EFCAB5: variants seen among roughly 807,000 people sequenced by gnomAD.
EFCAB5 encodes EF-hand calcium binding domain 5, also known as EF-hand calcium-binding domain-containing protein 5.
EFCAB5 carries 131 observed loss-of-function variants against 167.9 expected under a neutral mutation model. The ratio of observed to expected loss-of-function variants is 0.78; its 90% CI spans 0.68 to 0.90. The LOEUF is 0.90. Ranked by LOEUF, EFCAB5 falls within the 40% of genes least tolerant of loss-of-function variation. The probability of loss-of-function intolerance (pLI) is 0.00; values close to 1 mark genes in which losing one functional copy is unlikely to be tolerated. For missense variants in EFCAB5, 1,663 were observed against 1,745.2 expected (o/e 0.95, Z 0.84); for synonymous variants, 574 against 602.8 (o/e 0.95, Z 0.70).
intron 22 of EFCAB5, among the ~76,000 whole-genome samples, chr17:30,097,053 T>TACATATAC (rs201621184): frequency 0.021 from 1,960 of 91,212 alleles, 26 homozygotes; most frequent in Middle Eastern, 0.042. Flanking sequence ...CATATACATA[T>TACATATAC]ATATATATTT....
chr17:29,995,732 A>G (rs1172522880), intron 5 of EFCAB5, among the ~76,000 whole-genome samples: 1 of 152,210 alleles, frequency 6.6e-6, no homozygotes, highest in African/African-American at 2.4e-5. Flanking sequence ...GTCCTGTTCA[A>G]TAAGGGCATG....
At chr17:29,973,886 G>T (rs1480641023) in intron 4 of EFCAB5, among the ~76,000 whole-genome samples, 4 of 151,718 alleles carry the variant, frequency 2.6e-5, no homozygotes, top group African/African-American at 4.8e-5. Flanking sequence ...GGCCCAGCGC[G>T]GTGGCTCAAG....
At chr17:30,091,731 T>C in intron 20 of EFCAB5, 140 bp from the exon 21 acceptor site, 1 of 890,386 alleles carries the variant, frequency 1.1e-6, no homozygotes, top group Non-Finnish European at 1.6e-6. Context: ...AAACTGAGAT[T>C]GTTTAAAACC....
At chr17:30,030,628 C>T (rs1409241279) in intron 7 of EFCAB5, among the ~76,000 whole-genome samples, 1 of 152,026 alleles carries the variant, frequency 6.6e-6, no homozygotes, top group Non-Finnish European at 1.5e-5. Flanking sequence ...AGGCGTAAGC[C>T]ACTGCGCCCA....
intron 14 of EFCAB5, chr17:30,069,428 G>A: frequency 4.5e-6 from 7 of 1,540,500 alleles, no homozygotes; most frequent in Non-Finnish European, 6.3e-6. Context: ...CAGACTTCAA[G>A]AGATATTCAC....
At chr17:30,080,646 C>A in intron 16 of EFCAB5, 107 bp from the exon 17 acceptor site, 1 of 830,684 alleles carries the variant, frequency 1.2e-6, no homozygotes, top group South Asian at 1.8e-5. Flanking sequence ...ACTGCTCGGT[C>A]ATATAATGCC....
At chr17:29,998,578 G>C (rs2068595098) in intron 6 of EFCAB5, among the ~76,000 whole-genome samples, 4 of 152,170 alleles carry the variant, frequency 2.6e-5, no homozygotes. Flanking sequence ...GAAACGTCTG[G>C]TTTGCATAAT....
chr17:30,096,522 C>T (rs1026760707), intron 22 of EFCAB5, among the ~76,000 whole-genome samples: 2 of 151,636 alleles, frequency 1.3e-5, no homozygotes, highest in African/African-American at 4.8e-5. Flanking sequence ...CACTGCACTC[C>T]AGCCTGGGCA....
At chr17:30,106,494 C>T (rs990041474) in intron 22 of EFCAB5, among the ~76,000 whole-genome samples, 1 of 151,886 alleles carries the variant, frequency 6.6e-6, no homozygotes, top group Admixed American at 6.6e-5. Context: ...TCTCACTCTG[C>T]CACCCAGGCT....
intron 8 of EFCAB5, 35 bp downstream of exon 8, chr17:30,034,420 C>T (rs762129187): frequency 1.3e-6 from 2 of 1,551,066 alleles, no homozygotes; most frequent in Admixed American, 3.9e-5. Context: ...GCTTCTTGGC[C>T]AGACACTGTG....
chr17:29,955,597 G>A (rs950927173), intron 3 of EFCAB5, among the ~76,000 whole-genome samples: 1 of 151,822 alleles, frequency 6.6e-6, no homozygotes, highest in African/African-American at 2.4e-5. Context: ...CATGAGAGCA[G>A]ACTAATACAC....
intron 3 of EFCAB5, among the ~76,000 whole-genome samples, chr17:29,966,532 T>A (rs1411908273): frequency 6.6e-6 from 1 of 152,086 alleles, no homozygotes; most frequent in Non-Finnish European, 1.5e-5. Flanking sequence ...CCCAGCTACT[T>A]GGGAGGCTGA....
intron 7 of EFCAB5, among the ~76,000 whole-genome samples, chr17:30,026,622 T>G (rs2069330412): frequency 6.6e-6 from 1 of 152,228 alleles, no homozygotes; most frequent in African/African-American, 2.4e-5. Context: ...TAGTTGTACA[T>G]GTTCCTCTCA....
chr17:29,955,595 C>T (rs1567676455), intron 3 of EFCAB5, among the ~76,000 whole-genome samples: 2 of 151,854 alleles, frequency 1.3e-5, no homozygotes, highest in East Asian at 3.9e-4. Context: ...TGCATGAGAG[C>T]AGACTAATAC....
intron 15 of EFCAB5, 122 bp from the exon 16 acceptor site, chr17:30,079,950 A>G (rs1243358452): frequency 1.7e-6 from 2 of 1,191,792 alleles, no homozygotes; most frequent in African/African-American, 3.1e-5. Context: ...TAATATATGC[A>G]TTCTTTATTC....
intron 4 of EFCAB5, among the ~76,000 whole-genome samples, chr17:29,986,670 A>T (rs2068290510): frequency 1.4e-5 from 1 of 73,090 alleles, no homozygotes; most frequent in Admixed American, 2.2e-4. Context: ...TTTTTTTGAG[A>T]CGGAGTCTCG....
In EFCAB5 at chr17:29,969,009, G is replaced by GA; in HGVS notation, c.413dup (p.Asn138LysfsTer11). On this transcript the variant is annotated frameshift_variant, in exon 4 of 23. Coordinates refer to ENST00000394835, the MANE Select transcript of EFCAB5 (RefSeq NM_198529.4). LOFTEE classifies it high-confidence loss of function. ...AATGCAGCAGAAAATAATAGATAAGGAAAATCTGAAGAAGGAACTAGAAAA... is the reference window on the plus strand; with the variant it reads ...AATGCAGCAGAAAATAATAGATAAGGAAAAATCTGAAGAAGGAACTAGAAAA... 6.3e-7 allele frequency: 1 copy of GA among 1,588,320 alleles called. No individual in the cohort carries two copies. Among genetic ancestry groups the GA allele is most frequent in the Non-Finnish European group, 8.6e-7 (1 of 1,168,930 alleles).
At chr17:29,981,593 A>G (rs1330834332) in intron 4 of EFCAB5, among the ~76,000 whole-genome samples, 2 of 152,222 alleles carry the variant, frequency 1.3e-5, no homozygotes, top group Non-Finnish European at 2.9e-5. Flanking sequence ...TGTCATAGTC[A>G]CCACTGAATC....
rs1257197593 is a variant in EFCAB5, at chr17:30,056,284, G to T, written c.2365+128G>T. On this transcript the variant is annotated intron_variant, in intron 12 of 22. Transcript: ENST00000394835. ...GGGAAGGTGTTCCTTGCATTATTTT[G>T]TCCTTGAGCTGGTGAATCTAAATAT... is the stretch of plus-strand genomic sequence containing the variant. 4 of 829,564 alleles carry T rather than the reference G, an allele frequency of 4.8e-6. No homozygotes were observed. In the East Asian group the frequency reaches 8.0e-5, roughly 17 times the overall value. The allele number at this position is 829,564 out of a possible 1,614,324, so 51.4% of individuals were successfully genotyped here.
Sources: gnomAD v4.1 joint callset for allele counts (sites outside exome capture counted in the v4.1 genomes callset) on GRCh38, gnomAD v4.1.1 for gene constraint, MANE v1.5 for transcripts, NCBI Gene and HGNC (gene_info 2026-07-23, HGNC 2026-07-21) for gene names.